The following RNF6 variants were observed in gnomAD, a reference collection of about 807,000 sequenced individuals.
The protein encoded by RNF6 is E3 ubiquitin-protein ligase RNF6.
In RNF6, 21 loss-of-function variants were observed where a neutral mutation model predicts 50.1. The ratio of observed to expected loss-of-function variants is 0.42; its 90% CI spans 0.30 to 0.60. The LOEUF is 0.60. Among genes scored for constraint, RNF6 ranks in the 20% least tolerant of loss-of-function variants. The pLI is 0.20. For missense variants in RNF6, 698 were observed against 838.2 expected (o/e 0.83, Z 2.07); for synonymous variants, 255 against 291.8 (o/e 0.87, Z 1.29).
At chr13:26,151,621 C>CTTTTTTTTTTTT (rs10682446) in intron 5 of RNF6, among the ~76,000 whole-genome samples, 2 of 139,564 alleles carry the variant, frequency 1.4e-5, no homozygotes, top group Non-Finnish European at 3.1e-5. Flanking sequence ...TTCTTTTTTT[C>CTTTTTTTTTTTT]TTTTTTTTTT....
exon 6 of RNF6, chr13:26,132,330 C>T: frequency 5.1e-6 from 2 of 394,070 alleles, no homozygotes; most frequent in South Asian, 1.9e-5. Flanking sequence ...TACATTTTAC[C>T]CCTTAGGCTC....
chr13:26,137,886 T>C (rs942090819), intron 5 of RNF6, among the ~76,000 whole-genome samples: 4 of 151,932 alleles, frequency 2.6e-5, no homozygotes, highest in African/African-American at 9.7e-5. Context: ...AACATAAGCA[T>C]AATGAAAATC....
intron 5 of RNF6, among the ~76,000 whole-genome samples, chr13:26,206,320 G>A (rs548286092): frequency 6.6e-5 from 10 of 152,296 alleles, no homozygotes; most frequent in East Asian, 1.9e-4. Flanking sequence ...AGGGTGGCAC[G>A]AGACAGAGTT....
chr13:26,132,266 G>A (rs1870426210), exon 6 of RNF6: 1 of 308,632 alleles, frequency 3.2e-6, no homozygotes, highest in Admixed American at 4.4e-5. Flanking sequence ...AACAAATGTT[G>A]TCATATTCTA....
At chr13:26,190,740 T>G (rs534680209) in intron 5 of RNF6, among the ~76,000 whole-genome samples, 3 of 152,362 alleles carry the variant, frequency 2.0e-5, no homozygotes, top group Admixed American at 6.5e-5. Context: ...GTGGGTGCTA[T>G]TCTAGGCTCC....
intron 5 of RNF6, among the ~76,000 whole-genome samples, chr13:26,175,111 C>T (rs368270768): frequency 5.9e-5 from 9 of 152,134 alleles, no homozygotes; most frequent in East Asian, 3.9e-4. Flanking sequence ...GACAGAGTCT[C>T]GCTCTGTCAC....
intron 5 of RNF6, among the ~76,000 whole-genome samples, chr13:26,178,591 C>CGT (rs3981342): frequency 0.12 from 12,426 of 100,090 alleles, 910 homozygotes; most frequent in East Asian, 0.21. Flanking sequence ...CTGCCTGGTC[C>CGT]GTGTGTGTGT....
Position 26,214,514 on chromosome 13 carries a change from A to G in RNF6, c.1368T>C (p.Tyr456=), listed in dbSNP as rs369269316. ...SRLERSGIRT[Y]VSTITVPLRR... ...GAAGAGGAACTGTTATGGTACTAAC[A>G]TAGGTTCGAATACCTGACCGCTCTA... is the stretch of plus-strand genomic sequence containing the variant. Residue 456 remains tyrosine, a synonymous_variant, in exon 5 of 5, where the codon TAT becomes TAC. Coordinates refer to ENST00000381588, the MANE Select transcript of RNF6 (RefSeq NM_005977.4). 1 of 1,614,196 alleles carries G rather than the reference A, an allele frequency of 6.2e-7. No homozygotes were observed. The highest frequency in any genetic ancestry group is 8.5e-7 in the Non-Finnish European group (1 of 1,180,048).
At chr13:26,201,297 G>A (rs1868888355) in intron 5 of RNF6, among the ~76,000 whole-genome samples, 1 of 152,176 alleles carries the variant, frequency 6.6e-6, no homozygotes, top group Non-Finnish European at 1.5e-5. Flanking sequence ...CTTACCACAT[G>A]ACCCATGGGA....
chr13:26,187,620 C>T (rs1873618858), intron 5 of RNF6, among the ~76,000 whole-genome samples: 1 of 152,226 alleles, frequency 6.6e-6, no homozygotes, highest in Admixed American at 6.5e-5. Context: ...GGTTAAGTAA[C>T]GTACCCAAGG....
chr13:26,213,756 A>G lies in RNF6; in HGVS notation c.*68T>C, dbSNP rs1410010291. On this transcript the variant is annotated 3_prime_UTR_variant, in exon 5 of 5. Transcript: ENST00000381588. ...TCATCCTGGTTAGCTAATCACAAATAACTCAGCAAAACAATGCTTGAACAT... is the reference window on the plus strand; with the variant it reads ...TCATCCTGGTTAGCTAATCACAAATGACTCAGCAAAACAATGCTTGAACAT... 6.1e-6 allele frequency: 8 copies of G among 1,308,832 alleles called. No homozygotes were observed. The East Asian group carries it at 1.9e-4, about 31-fold the overall frequency. 81.1% of individuals were successfully genotyped at this position (1,308,832 alleles called of 1,614,324 possible).
Position 26,215,214 on chromosome 13 carries a change from T to C in RNF6, c.668A>G (p.Asn223Ser), listed in dbSNP as rs747323631. 9 of 1,614,190 alleles carry C rather than the reference T, an allele frequency of 5.6e-6. No individual in the cohort carries two copies. In the South Asian group the frequency reaches 8.8e-5, roughly 16 times the overall value. ...PRTRLASRGQ[N>S]PAEGSFSTLG... ...TGTTGAGAAAGATCCTTCAGCTGGA[T>C]TTTGCCCCCTTGAAGCAAGCCTAGT... Residue 223 changes from asparagine to serine, a missense_variant, in exon 5 of 5, where the codon AAT becomes AGT. Physicochemically the swap from Asn to Ser is conservative, Grantham distance 46. Transcript: ENST00000381588.
At chr13:26,165,231 TG>T in intron 5 of RNF6, among the ~76,000 whole-genome samples, 1 of 152,252 alleles carries the variant, frequency 6.6e-6, no homozygotes, top group Non-Finnish European at 1.5e-5. Context: ...AGCTTCCACA[TG>T]GTGTTGAGCC....
In RNF6 at chr13:26,214,337, G is replaced by A. The variant is rs774010383; in HGVS notation, c.1545C>T (p.Asp515=). The change falls in exon 5 of 5, where the codon GAC becomes GAT. Residue 515 remains aspartate, a synonymous_variant. Coordinates refer to ENST00000381588, the MANE Select transcript of RNF6 (RefSeq NM_005977.4). ...ELQRNGQHLP[D]MHSELSNLGT... ...CTAAGTTACTCAGTTCTGAGTGCATGTCTGGTAAATGCTGGCCATTTCTTT... is the reference window on the plus strand; with the variant it reads ...CTAAGTTACTCAGTTCTGAGTGCATATCTGGTAAATGCTGGCCATTTCTTT... The A allele has an allele frequency of 3.1e-6, 5 of 1,614,122 alleles. No individual in the cohort carries two copies. Among genetic ancestry groups the A allele is most frequent in the Non-Finnish European group, 3.4e-6 (4 of 1,180,024 alleles).
At chr13:26,167,183 C>A (rs963855366) in intron 5 of RNF6, among the ~76,000 whole-genome samples, 5 of 152,106 alleles carry the variant, frequency 3.3e-5, no homozygotes, top group African/African-American at 1.2e-4. Flanking sequence ...GCAATTGCAA[C>A]AAAAGCAAAA....
intron 5 of RNF6, among the ~76,000 whole-genome samples, chr13:26,201,172 C>T (rs1393558654): frequency 6.6e-6 from 1 of 152,144 alleles, no homozygotes; most frequent in Non-Finnish European, 1.5e-5. Context: ...TTTTATTTTG[C>T]ACTGAGTCCA....
chr13:26,213,279 A>C lies in RNF6; in HGVS notation c.*545T>G, dbSNP rs1178935720. The C allele has an allele frequency of 6.6e-6, 1 of 152,634 alleles. No individual in the cohort carries two copies. Among genetic ancestry groups the C allele is most frequent in the African/African-American group, 2.4e-5 (1 of 41,464 alleles). 9.5% of individuals were successfully genotyped at this position (152,634 alleles called of 1,614,324 possible). A position where few individuals can be genotyped will look rare whatever the true frequency, so the allele number is the denominator to read the frequency against. The stretch of plus-strand genomic sequence containing the variant: ...CCAAACTTGTAGACTGAATATTTTA[A>C]CCTTAAAATTATATACCTATATATA... On this transcript the variant is annotated 3_prime_UTR_variant, in exon 5 of 5. Transcript: ENST00000381588.
rs572922089 is a variant in RNF6, at chr13:26,207,647, T to C, written n.768+7827A>G. On this transcript the variant is annotated intron_variant and non_coding_transcript_variant, in intron 5 of 5. Transcript: ENST00000468480. ...TCAAAGCAGCCGGCCATCTCAGATATGGGAAACTGCTGGTCTGACTTTTTG... is the reference window on the plus strand; with the variant it reads ...TCAAAGCAGCCGGCCATCTCAGATACGGGAAACTGCTGGTCTGACTTTTTG... 9.2e-5 allele frequency among the ~76,000 whole-genome samples: 14 copies of C among 152,338 alleles called. No homozygotes were observed. The South Asian group carries it at 2.7e-3, about 29-fold the overall frequency.
At chr13:26,216,809 G>C (rs1243191065) in intron 4 of RNF6, among the ~76,000 whole-genome samples, 1 of 152,062 alleles carries the variant, frequency 6.6e-6, no homozygotes, top group Non-Finnish European at 1.5e-5. Flanking sequence ...AAAGAAATTA[G>C]CCAGGCATGG....
Sources: gnomAD v4.1 joint callset for allele counts (sites outside exome capture counted in the v4.1 genomes callset) on GRCh38, gnomAD v4.1.1 for gene constraint, MANE v1.5 for transcripts, NCBI Gene and HGNC (gene_info 2026-07-23, HGNC 2026-07-21) for gene names.